The following ASAP3 variants were observed in gnomAD, a reference collection of about 807,000 sequenced individuals.
ASAP3 encodes the protein ArfGAP with SH3 domain, ankyrin repeat and PH domain 3.
ASAP3 carries 85 observed loss-of-function variants against 118.2 expected under a neutral mutation model. That is an observed-to-expected ratio of 0.72 (90% CI 0.60 to 0.86). The LOEUF is 0.86. Ranked by LOEUF, ASAP3 falls within the 40% of genes least tolerant of loss-of-function variation. The pLI, the probability that ASAP3 is intolerant of heterozygous loss-of-function variation, is 0.00. For missense variants in ASAP3, 1,026 were observed against 1,175.0 expected (o/e 0.87, Z 1.85); for synonymous variants, 432 against 477.4 (o/e 0.90, Z 1.24).
chr1:23,437,912 C>G lies in ASAP3; in HGVS notation c.1103-440G>C, dbSNP rs1468291695. Among the ~76,000 whole-genome samples, 1 of 152,166 alleles carries G rather than the reference C, an allele frequency of 6.6e-6. No individual in the cohort carries two copies. Among genetic ancestry groups the G allele is most frequent in the East Asian group, 1.9e-4 (1 of 5,196 alleles). On this transcript the variant is annotated intron_variant, in intron 12 of 24. Coordinates refer to ENST00000336689, the MANE Select transcript of ASAP3 (RefSeq NM_017707.4). This position sits in a 1 kb window ranked among gnomAD's most constrained non-coding sequence, Gnocchi z 6.1. The stretch of plus-strand genomic sequence containing the variant: ...GCTCCCAACTGTTGTGCCCAAGGCT[C>G]TGCTCTAATTACACCACTGCCCTGC...
At chr1:23,481,693 CAGA>C (rs1467128640) in intron 1 of ASAP3, among the ~76,000 whole-genome samples, 1 of 152,198 alleles carries the variant, frequency 6.6e-6, no homozygotes, top group Admixed American at 6.5e-5. Context: ...CTGTGGCCTC[CAGA>C]CCCATTCTAA....
chr1:23,478,620 C>T (rs1046801996), intron 1 of ASAP3, among the ~76,000 whole-genome samples: 3 of 151,794 alleles, frequency 2.0e-5, no homozygotes, highest in Non-Finnish European at 2.9e-5. Context: ...ATTATCCGGG[C>T]GTGGTGGTGG....
chr1:23,474,876 C>T (rs490613), intron 1 of ASAP3, among the ~76,000 whole-genome samples: 8,350 of 152,268 alleles, frequency 0.055, 725 homozygotes, highest in African/African-American at 0.18. Context: ...GGCCACCGCG[C>T]CCAGCCCCCA....
Position 23,433,557 on chromosome 1 carries a change from T to C in ASAP3, c.2020-25A>G, listed in dbSNP as rs1428175044. ...GCTGCCAAAAACAAAGGCTTGGTGG[T>C]TCAGAGGGTTGGGGGCTCAGCAGGG... is the stretch of plus-strand genomic sequence containing the variant. On this transcript the variant is annotated intron_variant, in intron 20 of 24. Transcript: ENST00000336689. 2.5e-6 allele frequency: 4 copies of C among 1,614,090 alleles called. No individual in the cohort carries two copies. The South Asian group carries it at 3.3e-5, about 13-fold the overall frequency.
intron 5 of ASAP3, 164 bp from the exon 6 acceptor site, chr1:23,442,776 G>T: frequency 9.3e-7 from 1 of 1,070,674 alleles, no homozygotes; most frequent in South Asian, 1.7e-5. Flanking sequence ...GGAATCCACA[G>T]AGTGGTGGGG....
intron 17 of ASAP3, 130 bp downstream of exon 17, chr1:23,435,721 A>T: frequency 9.2e-7 from 1 of 1,088,828 alleles, no homozygotes; most frequent in Non-Finnish European, 1.4e-6. Flanking sequence ...TTTCCCACTT[A>T]CCACTCTGAT....
intron 1 of ASAP3, among the ~76,000 whole-genome samples, chr1:23,477,616 G>A (rs1642174592): frequency 6.6e-6 from 1 of 152,104 alleles, no homozygotes; most frequent in South Asian, 2.1e-4. Context: ...GAAGAGATGA[G>A]GACCCAGAAC....
At chr1:23,439,086 T>G in intron 11 of ASAP3, 75 bp downstream of exon 11, 141 of 1,559,596 alleles carry the variant, frequency 9.0e-5, no homozygotes, top group Non-Finnish European at 1.1e-4. Flanking sequence ...AGGGAGGGCT[T>G]GACATTATTT....
At chr1:23,455,262 T>C (rs1641343885) in intron 3 of ASAP3, among the ~76,000 whole-genome samples, 2 of 152,172 alleles carry the variant, frequency 1.3e-5, no homozygotes. Flanking sequence ...ACACATGAAC[T>C]AGTGAGAACT....
At chr1:23,458,581 C>G (rs1205531671) in intron 1 of ASAP3, among the ~76,000 whole-genome samples, 1 of 151,804 alleles carries the variant, frequency 6.6e-6, no homozygotes, top group East Asian at 1.9e-4. Flanking sequence ...GCATGGGTGA[C>G]AGAGAGAGCC....
chr1:23,434,657 T>C, intron 17 of ASAP3, 39 bp from the exon 18 acceptor site: 2 of 1,584,760 alleles, frequency 1.3e-6, no homozygotes, highest in African/African-American at 1.3e-5. Context: ...CCCCCCCCAG[T>C]GCACCTGCCT....
At chr1:23,467,421 G>A (rs932348986) in intron 1 of ASAP3, among the ~76,000 whole-genome samples, 3 of 152,062 alleles carry the variant, frequency 2.0e-5, no homozygotes, top group Admixed American at 2.0e-4. Flanking sequence ...CTGTGGATTT[G>A]GTTCATCATT....
intron 5 of ASAP3, among the ~76,000 whole-genome samples, chr1:23,448,272 CCAACCTTG>C (rs1641108535): frequency 6.6e-6 from 1 of 152,188 alleles, no homozygotes; most frequent in South Asian, 2.1e-4. Flanking sequence ...CACACACCCA[CCAACCTTG>C]AAACCTTGAG....
At position 23,429,939 on chromosome 1, in the gene ASAP3, A is replaced by T; in HGVS notation, c.2638-9T>A. The T allele has an allele frequency of 1.2e-6, 2 of 1,613,122 alleles. No individual in the cohort carries two copies. Among genetic ancestry groups the T allele is most frequent in the Non-Finnish European group, 1.7e-6 (2 of 1,179,460 alleles). On this transcript the variant is annotated splice_polypyrimidine_tract_variant and intron_variant, in intron 24 of 24. Transcript: ENST00000336689. Reference sequence around the variant, plus strand: ...CCTTCAGTGATGCCAACCTGCAGAAAGAAGGATGAAACTGACATTTTCAAA... The same window carrying T: ...CCTTCAGTGATGCCAACCTGCAGAATGAAGGATGAAACTGACATTTTCAAA...
At chr1:23,456,054 G>C in intron 2 of ASAP3, 28 bp from the exon 3 acceptor site, 1 of 1,614,108 alleles carries the variant, frequency 6.2e-7, no homozygotes, top group Non-Finnish European at 8.5e-7. Context: ...GGAGCTTGGA[G>C]TTAGCTCCAG....
chr1:23,434,865 C>G (rs1401163064), intron 17 of ASAP3, among the ~76,000 whole-genome samples: 1 of 152,138 alleles, frequency 6.6e-6, no homozygotes, highest in Non-Finnish European at 1.5e-5. Context: ...TCTTTCTCAG[C>G]TCTCGGCTCC....
At chr1:23,441,062 T>C in intron 10 of ASAP3, 40 bp downstream of exon 10, 1 of 1,575,856 alleles carries the variant, frequency 6.3e-7, no homozygotes. Context: ...TTACTTGCAG[T>C]GTGACATTGG....
intron 5 of ASAP3, among the ~76,000 whole-genome samples, chr1:23,446,959 C>T (rs1641065638): frequency 6.6e-6 from 1 of 152,138 alleles, no homozygotes; most frequent in Non-Finnish European, 1.5e-5. Context: ...GGAACTGTTC[C>T]AGCTCAGATC....
intron 11 of ASAP3, 132 bp downstream of exon 11, chr1:23,439,029 A>G (rs1558122263): frequency 8.1e-7 from 1 of 1,232,186 alleles, no homozygotes; most frequent in African/African-American, 1.5e-5. Context: ...CTGTCCTCCC[A>G]AACGGGTCTC....
Sources: allele counts gnomAD v4.1 joint callset (sites outside exome capture counted in the v4.1 genomes callset), GRCh38; gene constraint gnomAD v4.1.1; non-coding constraint Gnocchi (gnomAD v3.1); transcripts MANE v1.5; gene names NCBI Gene and HGNC (gene_info 2026-07-23, HGNC 2026-07-21).